The following ANKLE2 variants were observed in gnomAD, a reference collection of about 807,000 sequenced individuals.
ANKLE2 encodes the protein ankyrin repeat and LEM domain-containing protein 2.
In ANKLE2, 55 loss-of-function variants were observed where a neutral mutation model predicts 84.2. That is an observed-to-expected ratio of 0.65 (90% CI 0.53 to 0.82). The LOEUF (loss-of-function observed/expected upper bound fraction) is 0.82. Among genes scored for constraint, ANKLE2 ranks in the 40% least tolerant of loss-of-function variants. ANKLE2 has a pLI of 0.00. For synonymous variants in ANKLE2, 551 were observed against 486.1 expected (o/e 1.13, Z -1.76); for missense variants, 1,238 against 1,201.9 (o/e 1.03, Z -0.44).
Position 132,750,854 on chromosome 12 carries a change from G to GT in ANKLE2, c.641-6dup. 1 of 1,611,820 alleles carries GT rather than the reference G, an allele frequency of 6.2e-7. No individual in the cohort carries two copies. The highest frequency in any genetic ancestry group is 8.5e-7 in the Non-Finnish European group (1 of 1,178,656). On this transcript the variant is annotated splice_region_variant and splice_polypyrimidine_tract_variant and intron_variant, in intron 2 of 12. Transcript: ENST00000357997. ...TTTCATAAACATAGATCCTTTCTGG[G>GT]TAAGAAAAGTAACAAATGAAAATCA...
At chr12:132,753,360 G>A (rs1349565925) in intron 2 of ANKLE2, among the ~76,000 whole-genome samples, 1 of 151,960 alleles carries the variant, frequency 6.6e-6, no homozygotes, top group Non-Finnish European at 1.5e-5. Flanking sequence ...TTAGCTAGGC[G>A]TGCTGGTGTG....
chr12:132,737,100 C>T lies in ANKLE2; in HGVS notation c.1421-35G>A, dbSNP rs757374010. On this transcript the variant is annotated intron_variant, in intron 7 of 12. Transcript: ENST00000357997. ...GAGACAGGCACTGGCTGCAGGCTTC[C>T]GCCCCCTCCGCAGGTCAGGCCTGGG... 2.0e-5 allele frequency: 31 copies of T among 1,554,108 alleles called. No individual in the cohort carries two copies. The South Asian group carries it at 2.1e-4, about 11-fold the overall frequency.
At position 132,754,708 on chromosome 12, in the gene ANKLE2, A is replaced by G. The variant is rs757800092; in HGVS notation, c.607T>C (p.Cys203Arg). ...GCTGGGACGTCCTCATACACTGGAC[A>G]CACCCCATAGTACAGGGGCGGCTCC... The part of the protein sequence containing the change: ...SKEPPLYYGV[C>R]PVYEDVPARN... The change falls in exon 2 of 13, where the codon TGT (cysteine) becomes CGT (arginine). Residue 203 changes from cysteine to arginine, a missense_variant. Around this residue, in one of 3 missense-constraint regions of ANKLE2, gnomAD observed 422 missense variants for 394.5 expected, o/e 1.07. Coordinates refer to ENST00000357997, the MANE Select transcript of ANKLE2 (RefSeq NM_015114.3). 14 of 1,613,450 alleles carry G rather than the reference A, an allele frequency of 8.7e-6. No homozygotes were observed. Among genetic ancestry groups the G allele is most frequent in the Non-Finnish European group, 1.2e-5 (14 of 1,179,684 alleles).
intron 1 of ANKLE2, 67 bp downstream of exon 1, chr12:132,761,551 C>G (rs963798087): frequency 4.3e-6 from 5 of 1,169,868 alleles, no homozygotes; most frequent in Non-Finnish European, 5.3e-6. Context: ...GGACCCCAGG[C>G]CCGAGGAGGG....
Position 132,761,156 on chromosome 12 carries a change from CA to C in ANKLE2, c.181+461del, listed in dbSNP as rs1221430553. On this transcript the variant is annotated intron_variant, in intron 1 of 12. Coordinates refer to ENST00000357997, the MANE Select transcript of ANKLE2 (RefSeq NM_015114.3). ...CACCTTCTCCCTCTTCCTCTGGCCC[CA>C]AACCCCTGAGTTACATTTGCCTTTT... 2.6e-5 allele frequency: 4 copies of C among 154,468 alleles called. No individual in the cohort carries two copies. The Admixed American group carries it at 2.6e-4, about 10-fold the overall frequency. The allele number at this position is 154,468 out of a possible 1,614,324, so 9.6% of individuals were successfully genotyped here. A position where few individuals can be genotyped will look rare whatever the true frequency, so the allele number is the denominator to read the frequency against.
In ANKLE2 at chr12:132,727,252, G is replaced by A. The variant is rs999809276; in HGVS notation, c.2807C>T (p.Ala936Val). The change falls in exon 13 of 13, where the codon GCC becomes GTC. Residue 936 changes from alanine to valine, a missense_variant. Ala to Val is a moderately conservative substitution (Grantham distance 64, BLOSUM62 0). Around this residue, in one of 3 missense-constraint regions of ANKLE2, gnomAD observed 802 missense variants for 774.5 expected, o/e 1.04. Transcript: ENST00000357997. ...LRRMARLAEL[A>V]AL The stretch of plus-strand genomic sequence containing the variant: ...AGCCCAGCGCCAAGCCTACAGGGCG[G>A]CAAGCTCAGCCAGGCGCGCCATCCT... 8 of 1,556,946 alleles carry A rather than the reference G, an allele frequency of 5.1e-6. No individual in the cohort carries two copies. Among genetic ancestry groups the A allele is most frequent in the East Asian group, 2.4e-5 (1 of 41,690 alleles).
At chr12:132,748,860 CATATAT>C (rs767404623) in intron 3 of ANKLE2, 3 of 145,126 alleles carry the variant, frequency 2.1e-5, no homozygotes, top group Admixed American at 7.1e-5. Flanking sequence ...GGCTTATATA[CATATAT>C]ATATATATAT....
chr12:132,758,386 AC>A (rs1232558118), intron 1 of ANKLE2: 1 of 152,114 alleles, frequency 6.6e-6, no homozygotes, highest in African/African-American at 2.4e-5. Context: ...GTGAGACTCC[AC>A]CTAAAAAAAA....
intron 10 of ANKLE2, among the ~76,000 whole-genome samples, chr12:132,733,710 G>A (rs2043945671): frequency 6.6e-6 from 1 of 152,160 alleles, no homozygotes; most frequent in African/African-American, 2.4e-5. Context: ...GAAGCGCTCT[G>A]CGTCCTGGTG....
intron 7 of ANKLE2, among the ~76,000 whole-genome samples, chr12:132,739,340 A>G (rs780620345): frequency 2.0e-5 from 3 of 152,224 alleles, no homozygotes; most frequent in Non-Finnish European, 4.4e-5. Context: ...CTAATTTTCC[A>G]TACTGAAAAT....
In ANKLE2 at chr12:132,737,116, C is replaced by G. The variant is rs374058044; in HGVS notation, c.1421-51G>C. ...GCAGGCTTCCGCCCCCTCCGCAGGT[C>G]AGGCCTGGGTGAGCAGGACGGGGAT... On this transcript the variant is annotated intron_variant, in intron 7 of 12. Transcript: ENST00000357997. The G allele has an allele frequency of 7.3e-4, 1,117 of 1,535,546 alleles. 2 individuals are homozygous for G. Among genetic ancestry groups the G allele is most frequent in the Middle Eastern group, 4.6e-3 (20 of 4,342 alleles).
chr12:132,745,784 C>T, intron 5 of ANKLE2: 1 of 162,734 alleles, frequency 6.1e-6, no homozygotes. Flanking sequence ...AGCTGCAGAG[C>T]ACACACACAC....
chr12:132,736,953 G>A lies in ANKLE2; in HGVS notation c.1533C>T (p.Gly511=), dbSNP rs1043138566. ...GGGTCAGTACCGGGTCTCTGGGGCTGCCTCCATAGCGGCTGACGTGAGAGG... is the reference window on the plus strand; with the variant it reads ...GGGTCAGTACCGGGTCTCTGGGGCTACCTCCATAGCGGCTGACGTGAGAGG... ...AEASHVSRYG[G]SPRDPVLTLR... The change falls in exon 8 of 13, where the codon GGC becomes GGT. Residue 511 remains glycine, a synonymous_variant. Coordinates refer to ENST00000357997, the MANE Select transcript of ANKLE2 (RefSeq NM_015114.3). 1 of 1,613,886 alleles carries A rather than the reference G, an allele frequency of 6.2e-7. No individual in the cohort carries two copies. Among genetic ancestry groups the A allele is most frequent in the Non-Finnish European group, 8.5e-7 (1 of 1,179,846 alleles).
In ANKLE2 at chr12:132,728,094, C is replaced by A; in HGVS notation, c.2553G>T (p.Gln851His). The A allele has an allele frequency of 6.2e-7, 1 of 1,613,032 alleles. No homozygotes were observed. Among genetic ancestry groups the A allele is most frequent in the South Asian group, 1.1e-5 (1 of 91,090 alleles). ...ALECADVDPHQFPAVHRWKSA... is the reference protein window; with the variant it reads ...ALECADVDPHHFPAVHRWKSA... The stretch of plus-strand genomic sequence containing the variant: ...TCTTCCATCTGTGCACGGCCGGGAA[C>A]TGATGGGGGTCGACGTCTGCACATT... Residue 851 changes from glutamine to histidine, a missense_variant, in exon 12 of 13, where the codon CAG becomes CAT. Transcript: ENST00000357997.
chr12:132,747,794 TTAAA>T (rs765628326), intron 5 of ANKLE2, 34 bp downstream of exon 5: 44 of 1,568,682 alleles, frequency 2.8e-5, no homozygotes, highest in African/African-American at 6.9e-5. Flanking sequence ...TTTTAACCAA[TTAAA>T]TAAAGAAAGC....
At chr12:132,733,050 C>A (rs1446814425) in intron 10 of ANKLE2, among the ~76,000 whole-genome samples, 30 of 134,636 alleles carry the variant, frequency 2.2e-4, no homozygotes, top group African/African-American at 7.5e-4. Flanking sequence ...CTGATATGCA[C>A]CGTGAAGCGC....
At chr12:132,753,100 A>C (rs749019783) in intron 2 of ANKLE2, among the ~76,000 whole-genome samples, 2 of 151,928 alleles carry the variant, frequency 1.3e-5, no homozygotes, top group Admixed American at 6.6e-5. Flanking sequence ...ACTTGAGCCC[A>C]GGAGTTGGGA....
intron 1 of ANKLE2, chr12:132,759,846 T>C (rs1566042916): frequency 6.6e-6 from 1 of 152,044 alleles, no homozygotes; most frequent in Non-Finnish European, 1.5e-5. Context: ...CAGCAATAAG[T>C]GGTAGGGCCC....
Position 132,754,761 on chromosome 12 carries a change from G to A in ANKLE2, c.554C>T (p.Thr185Ile), listed in dbSNP as rs368798125. 6.2e-7 allele frequency: 1 copy of A among 1,614,112 alleles called. No individual in the cohort carries two copies. The highest frequency in any genetic ancestry group is 8.5e-7 in the Non-Finnish European group (1 of 1,180,024). ...TCSVPPSDTD[T>I]YRAGATASKE... ...AGACGCAGTCGCTCCAGCTCTGTAGGTGTCGGTGTCACTAGGGGGCACCGA... is the reference window on the plus strand; with the variant it reads ...AGACGCAGTCGCTCCAGCTCTGTAGATGTCGGTGTCACTAGGGGGCACCGA... The change falls in exon 2 of 13, where the codon ACC (threonine) becomes ATC (isoleucine). Residue 185 changes from threonine (T) to isoleucine (I), a missense_variant. Around this residue, in one of 3 missense-constraint regions of ANKLE2, gnomAD observed 422 missense variants for 394.5 expected, o/e 1.07. Coordinates refer to ENST00000357997, the MANE Select transcript of ANKLE2 (RefSeq NM_015114.3).
Sources: gnomAD v4.1 joint callset for allele counts (sites outside exome capture counted in the v4.1 genomes callset) on GRCh38, gnomAD v4.1.1 for gene constraint, gnomAD v4.1.1 regional missense constraint, MANE v1.5 for transcripts, NCBI Gene and HGNC (gene_info 2026-07-23, HGNC 2026-07-21) for gene names.